Variants in RIOK3 observed in about 807,000 individuals in gnomAD.
The protein encoded by RIOK3 is serine/threonine-protein kinase RIO3.
Under a neutral mutation model 63.5 loss-of-function variants are expected in RIOK3, and 40 were observed. That is an observed-to-expected ratio of 0.63 (90% CI 0.49 to 0.82). RIOK3 has a LOEUF of 0.82. Among genes scored for constraint, RIOK3 ranks in the 40% least tolerant of loss-of-function variants. The probability of loss-of-function intolerance (pLI) is 0.00; values close to 1 mark genes in which losing one functional copy is unlikely to be tolerated. For synonymous variants in RIOK3, 193 were observed against 205.0 expected, an observed-to-expected ratio of 0.94 and a Z score of 0.50; for missense variants, 557 against 637.0, an observed-to-expected ratio of 0.87 and a Z score of 1.35.
chr18:23,458,784 T>C (rs998438833), intron 1 of RIOK3, among the ~76,000 whole-genome samples: 2 of 152,240 alleles, frequency 1.3e-5, no homozygotes, highest in African/African-American at 4.8e-5. Flanking sequence ...AGCAAACCAC[T>C]GTGCCTATAG....
intron 1 of RIOK3, among the ~76,000 whole-genome samples, chr18:23,456,851 C>T (rs977254274): frequency 6.6e-6 from 1 of 152,154 alleles, no homozygotes; most frequent in African/African-American, 2.4e-5. Flanking sequence ...AATCCATCCT[C>T]ACAGCTAAGT....
intron 4 of RIOK3, 56 bp from the exon 5 acceptor site, chr18:23,464,463 G>A: frequency 8.1e-7 from 1 of 1,233,488 alleles, no homozygotes; most frequent in Middle Eastern, 1.9e-4. Flanking sequence ...AACGTTGAAT[G>A]CAGCAATGTA....
intron 7 of RIOK3, among the ~76,000 whole-genome samples, chr18:23,469,403 C>T (rs1354871591): frequency 1.2e-4 from 8 of 66,424 alleles, no homozygotes; most frequent in Admixed American, 3.2e-4. Flanking sequence ...CTCCTCTCTC[C>T]CCTCTCTCCT....
chr18:23,479,252 T>A, intron 11 of RIOK3, 65 bp from the exon 12 acceptor site: 1 of 989,148 alleles, frequency 1.0e-6, no homozygotes, highest in Non-Finnish European at 1.6e-6. Context: ...TGCTGCTCCC[T>A]GTTTTTAGTT....
chr18:23,462,037 G>A (rs1488721548), intron 1 of RIOK3, among the ~76,000 whole-genome samples: 5 of 147,918 alleles, frequency 3.4e-5, no homozygotes, highest in Non-Finnish European at 7.4e-5. Flanking sequence ...ATTGCAGTGA[G>A]CCGAGATCAC....
chr18:23,481,356 T>C lies in RIOK3; in HGVS notation c.*77T>C, dbSNP rs1418997382. ...ATAGCAAATGAAGTTATGGGTGACTTGAAATACCAAAACCTGAGGAGTGGG... is the reference window on the plus strand; with the variant it reads ...ATAGCAAATGAAGTTATGGGTGACTCGAAATACCAAAACCTGAGGAGTGGG... On this transcript the variant is annotated 3_prime_UTR_variant, in exon 13 of 13. Transcript: ENST00000339486. The C allele has an allele frequency of 3.3e-6, 3 of 904,150 alleles. No individual in the cohort carries two copies. The African/African-American group carries it at 5.2e-5, about 16-fold the overall frequency. 56.0% of individuals were successfully genotyped at this position (904,150 alleles called of 1,614,324 possible).
intron 12 of RIOK3, among the ~76,000 whole-genome samples, chr18:23,480,236 AT>A (rs1471247196): frequency 6.6e-6 from 1 of 152,218 alleles, no homozygotes; most frequent in Non-Finnish European, 1.5e-5. Flanking sequence ...GCAGAGAGTG[AT>A]TACTGAGTCT....
chr18:23,474,565 A>G (rs1399827572), intron 8 of RIOK3, among the ~76,000 whole-genome samples: 1 of 152,084 alleles, frequency 6.6e-6, no homozygotes, highest in African/African-American at 2.4e-5. Flanking sequence ...CTACTCACAG[A>G]TCCAGCTATG....
chr18:23,481,221 G>A lies in RIOK3; in HGVS notation c.1502G>A (p.Arg501Lys), dbSNP rs1273141459. The A allele has an allele frequency of 1.9e-6, 3 of 1,612,186 alleles. No homozygotes were observed. The highest frequency in any genetic ancestry group is 2.5e-6 in the Non-Finnish European group (3 of 1,179,226). The change falls in exon 13 of 13, where the codon AGG (arginine) becomes AAG (lysine). Residue 501 changes from arginine to lysine, a missense_variant. Physicochemically the swap from Arg to Lys is conservative, Grantham distance 26 (BLOSUM62 2). Transcript: ENST00000339486. ...GAAGATCACGTTCAGAAGAATGGAA[G>A]GAAAGCTGCTTCATTTTTGAAAGAT... ...MNEDHVQKNG[R>K]KAASFLKDDG... is the part of the protein sequence containing the mutation.
At chr18:23,479,455 C>A (rs749254482) in intron 12 of RIOK3, 31 bp downstream of exon 12, 1 of 1,378,772 alleles carries the variant, frequency 7.3e-7, no homozygotes. Context: ...TTTCACCTTG[C>A]TGGTCATGCA....
chr18:23,454,415 T>G (rs1030377133), intron 1 of RIOK3, among the ~76,000 whole-genome samples: 1 of 152,236 alleles, frequency 6.6e-6, no homozygotes, highest in Admixed American at 6.5e-5. Context: ...TTTGTAAAAG[T>G]TCTCGTACAG....
At chr18:23,476,178 T>G (rs1032538644) in intron 9 of RIOK3, among the ~76,000 whole-genome samples, 1 of 151,900 alleles carries the variant, frequency 6.6e-6, no homozygotes, top group African/African-American at 2.4e-5. Context: ...CAGTAGGGAG[T>G]GCAGGTGTTA....
rs1278569846 is a variant in RIOK3 at position 23,457,640 on chromosome 18, T to C, written c.63+4138T>C. On this transcript the variant is annotated intron_variant, in intron 1 of 12. Transcript: ENST00000339486. ...TACTGTCTTGGCAGTTTTTTTCTAG[T>C]TTTTTAAAAGTAAGACTATTCTAAA... Among the ~76,000 whole-genome samples, 3 of 152,210 alleles carry C rather than the reference T, an allele frequency of 2.0e-5. No individual in the cohort carries two copies. In the East Asian group the frequency reaches 5.8e-4, roughly 29 times the overall value.
At chr18:23,462,462 A>G (rs913309798) in intron 1 of RIOK3, among the ~76,000 whole-genome samples, 1 of 152,220 alleles carries the variant, frequency 6.6e-6, no homozygotes, top group African/African-American at 2.4e-5. Flanking sequence ...TTGTTTTAGC[A>G]TATCCTAAGA....
intron 8 of RIOK3, among the ~76,000 whole-genome samples, chr18:23,474,597 A>G (rs1240807603): frequency 1.3e-5 from 2 of 152,034 alleles, no homozygotes; most frequent in Admixed American, 6.6e-5. Context: ...ACATTCCCCA[A>G]ATGGACTGTG....
chr18:23,461,390 AT>A (rs1382299016), intron 1 of RIOK3, among the ~76,000 whole-genome samples: 1 of 152,232 alleles, frequency 6.6e-6, no homozygotes, highest in African/African-American at 2.4e-5. Flanking sequence ...TCACATCTGC[AT>A]TTTAGAACAA....
chr18:23,480,804 TG>T (rs756619991), intron 12 of RIOK3, among the ~76,000 whole-genome samples: 1 of 151,966 alleles, frequency 6.6e-6, no homozygotes, highest in Non-Finnish European at 1.5e-5. Flanking sequence ...ATAAAAAAAC[TG>T]GCTGGACACG....
At chr18:23,455,228 C>G (rs550222680) in intron 1 of RIOK3, among the ~76,000 whole-genome samples, 1 of 151,816 alleles carries the variant, frequency 6.6e-6, no homozygotes, top group South Asian at 2.1e-4. Flanking sequence ...CCTGCCACCA[C>G]GCCCAGCTGA....
In RIOK3 at chr18:23,453,383, C is replaced by T. The variant is rs556171184; in HGVS notation, c.-57C>T. 5 of 1,399,232 alleles carry T rather than the reference C, an allele frequency of 3.6e-6. No homozygotes were observed. In the African/African-American group the frequency reaches 5.7e-5, roughly 16 times the overall value. The allele number at this position is 1,399,232 out of a possible 1,614,324, so 86.7% of individuals were successfully genotyped here. A position where few individuals can be genotyped will look rare whatever the true frequency, so the allele number is the denominator to read the frequency against. ...TGTCCCGCCTGTCTCCTCGGCGGAGCCTGCTGCCCGTCCTGCCACCTCTCT... is the reference window on the plus strand; with the variant it reads ...TGTCCCGCCTGTCTCCTCGGCGGAGTCTGCTGCCCGTCCTGCCACCTCTCT... On this transcript the variant is annotated 5_prime_UTR_variant, in exon 1 of 13. Coordinates refer to ENST00000339486, the MANE Select transcript of RIOK3 (RefSeq NM_003831.5).
Sources: allele counts gnomAD v4.1 joint callset (sites outside exome capture counted in the v4.1 genomes callset), GRCh38; gene constraint gnomAD v4.1.1; transcripts MANE v1.5; gene names NCBI Gene and HGNC (gene_info 2026-07-23, HGNC 2026-07-21).